Variants in GALNT13 observed in about 807,000 individuals in gnomAD.
GALNT13 encodes the protein UDP-GalNAc:polypeptide N-acetylgalactosaminyltransferase 13.
A neutral mutation model predicts 64.2 loss-of-function variants in GALNT13; 28 were observed. The ratio of observed to expected loss-of-function variants is 0.44; its 90% confidence interval spans 0.32 to 0.60. GALNT13 has a LOEUF of 0.60. Ranked by LOEUF, GALNT13 falls within the 20% of genes least tolerant of loss-of-function variation. The pLI, the probability that GALNT13 is intolerant of heterozygous loss-of-function variation, is 0.05. For missense variants in GALNT13, 577 were observed against 669.8 expected, an observed-to-expected ratio of 0.86 and a Z score of 1.53; for synonymous variants, 214 against 224.6, an observed-to-expected ratio of 0.95 and a Z score of 0.42.
At chr2:153,591,539 T>C in the GALNT13 span, among the ~76,000 whole-genome samples, 1 of 152,058 alleles carries the variant, frequency 6.6e-6, no homozygotes, top group African/African-American at 2.4e-5. Flanking sequence ...TTACCTGACT[T>C]CAAGTTAGAT....
At chr2:154,363,357 T>G (rs1301963121) in intron 9 of GALNT13, among the ~76,000 whole-genome samples, 1 of 152,162 alleles carries the variant, frequency 6.6e-6, no homozygotes, top group Non-Finnish European at 1.5e-5. Context: ...TGTTTTAACT[T>G]TTTTTTGTGG....
At chr2:154,272,688 A>G (rs1027481025) in intron 8 of GALNT13, among the ~76,000 whole-genome samples, 1 of 152,128 alleles carries the variant, frequency 6.6e-6, no homozygotes, top group African/African-American at 2.4e-5. Context: ...AGTGTGCTTA[A>G]TCAAACAAAA....
At chr2:153,285,468 C>T in the GALNT13 span, among the ~76,000 whole-genome samples, 150 of 152,162 alleles carry the variant, frequency 9.9e-4, 1 homozygote, top group African/African-American at 3.4e-3. Context: ...AAGGAAATTG[C>T]GAATGTTCAG....
chr2:153,350,351 G>A, the GALNT13 span, among the ~76,000 whole-genome samples: 7 of 149,156 alleles, frequency 4.7e-5, no homozygotes, highest in Middle Eastern at 3.5e-3. Context: ...AGTATCATTC[G>A]ATTTTATTTA....
At chr2:154,389,536 A>G (rs1227385881) in intron 9 of GALNT13, among the ~76,000 whole-genome samples, 1 of 152,208 alleles carries the variant, frequency 6.6e-6, no homozygotes, top group East Asian at 1.9e-4. Flanking sequence ...GCATTAGGGT[A>G]TTCTTTCTTC....
the GALNT13 span, among the ~76,000 whole-genome samples, chr2:153,241,628 A>G: frequency 6.6e-6 from 1 of 150,740 alleles, no homozygotes; most frequent in Non-Finnish European, 1.5e-5. Flanking sequence ...ATGTGTAAAA[A>G]ATTCTTACAA....
intron 3 of GALNT13, among the ~76,000 whole-genome samples, chr2:154,131,763 G>A (rs778523724): frequency 6.6e-6 from 1 of 152,216 alleles, no homozygotes; most frequent in Non-Finnish European, 1.5e-5. Flanking sequence ...CACGTGATCA[G>A]AAGGTGAAGT....
the GALNT13 span, among the ~76,000 whole-genome samples, chr2:153,307,037 A>G: frequency 6.6e-6 from 1 of 152,210 alleles, no homozygotes; most frequent in Non-Finnish European, 1.5e-5. Context: ...CACCCAGCTC[A>G]TGCTTTTTTC....
the GALNT13 span, among the ~76,000 whole-genome samples, chr2:153,225,173 T>G: frequency 6.6e-6 from 1 of 152,184 alleles, no homozygotes; most frequent in African/African-American, 2.4e-5. Context: ...CAAGGAGGGT[T>G]AAGCTTCAAA....
the GALNT13 span, among the ~76,000 whole-genome samples, chr2:153,710,431 A>G: frequency 6.6e-6 from 1 of 152,084 alleles, no homozygotes; most frequent in Non-Finnish European, 1.5e-5. Flanking sequence ...CTATTATGAA[A>G]ATATTTTTGA....
chr2:153,943,377 C>G (rs1164038983), intron 2 of GALNT13, among the ~76,000 whole-genome samples: 1 of 152,136 alleles, frequency 6.6e-6, no homozygotes, highest in Non-Finnish European at 1.5e-5. Flanking sequence ...CTCTGCAGAT[C>G]AGCTGGGATT....
intron 4 of GALNT13, among the ~76,000 whole-genome samples, chr2:154,224,494 A>G (rs1688485147): frequency 6.6e-6 from 1 of 152,102 alleles, no homozygotes; most frequent in Non-Finnish European, 1.5e-5. Context: ...CAAAGAAAAA[A>G]AGCTACAAGG....
intron 3 of GALNT13, among the ~76,000 whole-genome samples, chr2:154,021,071 C>T (rs190666297): frequency 4.4e-4 from 67 of 152,160 alleles, no homozygotes; most frequent in African/African-American, 1.2e-3. Context: ...TCTCTGTTTT[C>T]GTACCAGTAC....
the GALNT13 span, among the ~76,000 whole-genome samples, chr2:153,862,677 G>A: frequency 1.3e-4 from 19 of 151,330 alleles, no homozygotes; most frequent in South Asian, 6.3e-4. Flanking sequence ...TTTGTAAAAC[G>A]CTTTATATTT....
intron 3 of GALNT13, among the ~76,000 whole-genome samples, chr2:153,978,808 C>T (rs1694250633): frequency 6.6e-6 from 1 of 152,084 alleles, no homozygotes; most frequent in African/African-American, 2.4e-5. Flanking sequence ...TGGTGGCTCA[C>T]ACAGGCAGTC....
At chr2:153,511,839 G>A in the GALNT13 span, among the ~76,000 whole-genome samples, 1 of 152,124 alleles carries the variant, frequency 6.6e-6, no homozygotes, top group African/African-American at 2.4e-5. Context: ...AAAACACAAA[G>A]GAAATGAGAG....
At chr2:153,780,240 T>TATGCATATATATATATATGC in the GALNT13 span, among the ~76,000 whole-genome samples, 1 of 19,458 alleles carries the variant, frequency 5.1e-5, no homozygotes, top group Non-Finnish European at 3.1e-4. Flanking sequence ...TATATATATA[T>TATGCATATATATATATATGC]ATATATATAT....
the GALNT13 span, among the ~76,000 whole-genome samples, chr2:153,491,134 A>G: frequency 6.6e-6 from 1 of 152,100 alleles, no homozygotes; most frequent in Admixed American, 6.6e-5. Context: ...AATTTATCTA[A>G]TTAGGAGATG....
chr2:154,350,043 C>A (rs983803818), intron 9 of GALNT13, among the ~76,000 whole-genome samples: 6 of 152,220 alleles, frequency 3.9e-5, no homozygotes, highest in Middle Eastern at 3.4e-3. Flanking sequence ...AAAGAAAAAA[C>A]CAGAAGAAAT....
Sources: gnomAD v4.1 joint callset for allele counts (sites outside exome capture counted in the v4.1 genomes callset) on GRCh38, gnomAD v4.1.1 for gene constraint, MANE v1.5 for transcripts, NCBI Gene and HGNC (gene_info 2026-07-23, HGNC 2026-07-21) for gene names.